The following CAMK4 variants were observed in gnomAD, a reference collection of about 807,000 sequenced individuals.
CAMK4 encodes the protein calcium/calmodulin-dependent protein kinase type IV.
Under a neutral mutation model 44.9 loss-of-function variants are expected in CAMK4, and 22 were observed. The observed-to-expected ratio is 0.49, with a 90% CI of 0.35 to 0.70. CAMK4 has a LOEUF of 0.70. Among genes scored for constraint, CAMK4 ranks in the 30% least tolerant of loss-of-function variants. CAMK4 has a pLI of 0.01. For synonymous variants in CAMK4, 218 were observed against 215.4 expected, an observed-to-expected ratio of 1.01 and a Z score of -0.11; for missense variants, 498 against 586.8, an observed-to-expected ratio of 0.85 and a Z score of 1.56.
intron 1 of CAMK4, among the ~76,000 whole-genome samples, chr5:111,275,526 G>A (rs1266911388): frequency 6.6e-6 from 1 of 151,894 alleles, no homozygotes; most frequent in African/African-American, 2.4e-5. Context: ...CTCCTGTAGT[G>A]ATTCTTTCAG....
chr5:111,272,890 A>G (rs372983550), intron 1 of CAMK4, among the ~76,000 whole-genome samples: 3 of 152,272 alleles, frequency 2.0e-5, no homozygotes, highest in Middle Eastern at 6.8e-3. Flanking sequence ...GATTATTTAC[A>G]TTATTTTCCA....
chr5:111,243,975 T>C (rs927654598), intron 1 of CAMK4, among the ~76,000 whole-genome samples: 4 of 152,204 alleles, frequency 2.6e-5, no homozygotes, highest in Non-Finnish European at 5.9e-5. Context: ...TTTGTTTTTT[T>C]AATACAGATG....
rs780670278 is a variant in CAMK4 at position 111,484,276 on chromosome 5, A to C, written c.1232A>C (p.Glu411Ala). The C allele has an allele frequency of 6.2e-7, 1 of 1,614,116 alleles. No individual in the cohort carries two copies. The highest frequency in any genetic ancestry group is 8.5e-7 in the Non-Finnish European group (1 of 1,180,016). Residue 411 changes from glutamate (E) to alanine (A), a missense_variant, in exon 11 of 11, where the codon GAA (glutamate) becomes GCA (alanine). Glu to Ala is a moderately radical substitution (Grantham distance 107). Around this residue, in one of 3 missense-constraint regions of CAMK4, gnomAD observed 143 missense variants for 144.9 expected, o/e 0.99. Transcript: ENST00000282356. The surrounding 1 kb of genome is among the most constrained non-coding windows in gnomAD (Gnocchi z 5.3). Reference protein sequence around the residue: ...EKVKGADINAEEAPKMVPKAV... With the variant: ...EKVKGADINAAEAPKMVPKAV... ...GTTAAAGGTGCAGATATAAATGCTG[A>C]AGAGGCCCCCAAAATGGTGCCCAAG...
At chr5:111,309,905 G>T (rs1362201160) in intron 1 of CAMK4, among the ~76,000 whole-genome samples, 3 of 152,164 alleles carry the variant, frequency 2.0e-5, no homozygotes, top group African/African-American at 7.2e-5. Flanking sequence ...AGGCTAGGCT[G>T]ATACCTTAAT....
intron 1 of CAMK4, among the ~76,000 whole-genome samples, chr5:111,325,518 G>A (rs1748846615): frequency 6.6e-6 from 1 of 151,978 alleles, no homozygotes; most frequent in Admixed American, 6.6e-5. Context: ...AGCCTCGCTA[G>A]CATCTGTCTT....
At chr5:111,428,680 C>T (rs951310719) in intron 5 of CAMK4, among the ~76,000 whole-genome samples, 1 of 151,986 alleles carries the variant, frequency 6.6e-6, no homozygotes, top group Non-Finnish European at 1.5e-5. Context: ...ATTGAAAATA[C>T]ACAGAGAAGA....
rs531279907 is a variant in CAMK4, at chr5:111,309,530, C to G, written c.162-34494C>G. Reference sequence around the variant, plus strand: ...AAGCTGAACCTCCTTAAGCTAAAGTCAAATCTAGGAGTGAGAACTGACTCT... The same window carrying G: ...AAGCTGAACCTCCTTAAGCTAAAGTGAAATCTAGGAGTGAGAACTGACTCT... On this transcript the variant is annotated intron_variant, in intron 1 of 10. Coordinates refer to ENST00000282356, the MANE Select transcript of CAMK4 (RefSeq NM_001744.6). Among the ~76,000 whole-genome samples, 19 of 152,210 alleles carry G rather than the reference C, an allele frequency of 1.2e-4. No homozygotes were observed. The South Asian group carries it at 3.7e-3, about 30-fold the overall frequency.
At chr5:111,423,409 T>C (rs1753102733) in intron 5 of CAMK4, among the ~76,000 whole-genome samples, 1 of 152,216 alleles carries the variant, frequency 6.6e-6, no homozygotes, top group African/African-American at 2.4e-5. Context: ...CAGTCTTGGT[T>C]TCTACTTCTC....
chr5:111,320,938 G>A (rs1317236746), intron 1 of CAMK4, among the ~76,000 whole-genome samples: 1 of 152,176 alleles, frequency 6.6e-6, no homozygotes, highest in African/African-American at 2.4e-5. Flanking sequence ...CTCTTTTATA[G>A]TGATCATAGC....
At chr5:111,284,255 T>C (rs930618746) in intron 1 of CAMK4, among the ~76,000 whole-genome samples, 1 of 152,238 alleles carries the variant, frequency 6.6e-6, no homozygotes, top group Admixed American at 6.5e-5. Context: ...ACATTTTTTT[T>C]AAGTTATGTA....
chr5:111,390,774 A>G (rs922404590), intron 4 of CAMK4, among the ~76,000 whole-genome samples: 2 of 152,180 alleles, frequency 1.3e-5, no homozygotes, highest in Admixed American at 6.5e-5. Context: ...TCAAAAACTC[A>G]ATGACAATAT....
Position 111,394,612 on chromosome 5 carries a change from A to C in CAMK4, c.387-98A>C, listed in dbSNP as rs1017113926. On this transcript the variant is annotated intron_variant, in intron 4 of 10. Transcript: ENST00000282356. ...GTATGGTAGCTTGTTTCAATTGTTT[A>C]TGTGCACCATCTTTAACATTAATTT... is the stretch of plus-strand genomic sequence containing the variant. 10 of 747,968 alleles carry C rather than the reference A, an allele frequency of 1.3e-5. No homozygotes were observed. In the African/African-American group the frequency reaches 1.8e-4, roughly 13 times the overall value. The allele number at this position is 747,968 out of a possible 1,614,324, so 46.3% of individuals were successfully genotyped here. A position where few individuals can be genotyped will look rare whatever the true frequency, so the allele number is the denominator to read the frequency against.
intron 5 of CAMK4, among the ~76,000 whole-genome samples, chr5:111,436,196 A>G (rs906322598): frequency 9.8e-5 from 15 of 152,360 alleles, no homozygotes; most frequent in African/African-American, 3.4e-4. Context: ...TGTAGGCAAA[A>G]TGACATTTTC....
intron 7 of CAMK4, among the ~76,000 whole-genome samples, chr5:111,454,471 C>A (rs1754346003): frequency 6.6e-6 from 1 of 152,030 alleles, no homozygotes; most frequent in African/African-American, 2.4e-5. Context: ...TAAGCAAATA[C>A]TCATTATTTC....
chr5:111,465,789 G>C (rs1028427009), intron 7 of CAMK4, among the ~76,000 whole-genome samples: 3 of 152,174 alleles, frequency 2.0e-5, no homozygotes, highest in Middle Eastern at 3.4e-3. Context: ...AGAAGAATTG[G>C]GACCAATCCT....
intron 5 of CAMK4, among the ~76,000 whole-genome samples, chr5:111,410,222 T>A (rs960953961): frequency 4.1e-5 from 6 of 148,084 alleles, no homozygotes; most frequent in African/African-American, 1.5e-4. Context: ...TGACCCACAG[T>A]TCCACATGGT....
chr5:111,373,823 C>T (rs574861332), intron 2 of CAMK4, among the ~76,000 whole-genome samples: 1 of 152,206 alleles, frequency 6.6e-6, no homozygotes, highest in East Asian at 1.9e-4. Context: ...AGTAAGAGTG[C>T]AGGTATCATA....
chr5:111,308,372 A>G (rs1368404028), intron 1 of CAMK4, among the ~76,000 whole-genome samples: 1 of 152,244 alleles, frequency 6.6e-6, no homozygotes, highest in African/African-American at 2.4e-5. Flanking sequence ...ATCCAAATAT[A>G]TAAAACATAT....
At chr5:111,265,605 C>G (rs1300294273) in intron 1 of CAMK4, among the ~76,000 whole-genome samples, 1 of 152,062 alleles carries the variant, frequency 6.6e-6, no homozygotes, top group Non-Finnish European at 1.5e-5. Context: ...CTTTTTATAG[C>G]TCATTATAAG....
Sources: allele counts gnomAD v4.1 joint callset (sites outside exome capture counted in the v4.1 genomes callset), GRCh38; gene constraint gnomAD v4.1.1; regional missense constraint gnomAD v4.1.1; non-coding constraint Gnocchi (gnomAD v3.1); transcripts MANE v1.5; gene names NCBI Gene and HGNC (gene_info 2026-07-23, HGNC 2026-07-21).